The following TCF7L2 variants were observed in gnomAD, a reference collection of about 807,000 sequenced individuals.
The protein encoded by TCF7L2 is transcription factor 7 like 2.
TCF7L2 carries 23 observed loss-of-function variants against 77.9 expected under a neutral mutation model. The ratio of observed to expected loss-of-function variants is 0.30; its 90% CI spans 0.21 to 0.42. TCF7L2 has a LOEUF of 0.42. Ranked by LOEUF, TCF7L2 falls within the 10% of genes least tolerant of loss-of-function variation. TCF7L2 has a pLI of 1.00. For missense variants in TCF7L2, 654 were observed against 793.1 expected (o/e 0.82, Z 2.11); for synonymous variants, 413 against 340.2 (o/e 1.21, Z -2.36).
intron 4 of TCF7L2, among the ~76,000 whole-genome samples, chr10:113,030,304 T>C (rs1475675939): frequency 1.3e-5 from 2 of 152,234 alleles, no homozygotes; most frequent in Non-Finnish European, 2.9e-5. Flanking sequence ...ATTTTAGTTA[T>C]CCAGCTATCG....
chr10:113,042,058 G>T (rs1344802540), intron 5 of TCF7L2, among the ~76,000 whole-genome samples: 1 of 152,148 alleles, frequency 6.6e-6, no homozygotes, highest in Non-Finnish European at 1.5e-5. Context: ...AAGGAGTGGG[G>T]GTTTGTCCAT....
At chr10:113,107,428 G>A (rs2136015797) in intron 5 of TCF7L2, among the ~76,000 whole-genome samples, 1 of 152,212 alleles carries the variant, frequency 6.6e-6, no homozygotes, top group Admixed American at 6.5e-5. Flanking sequence ...CCCAAGCCTT[G>A]ATGTACACAT....
At position 113,151,057 on chromosome 10, in the gene TCF7L2, C is replaced by T. The variant is rs758507693; in HGVS notation, c.935C>T (p.Pro312Leu). The T allele has an allele frequency of 1.2e-6, 2 of 1,614,170 alleles. No homozygotes were observed. The highest frequency in any genetic ancestry group is 1.7e-6 in the Non-Finnish European group (2 of 1,180,030). The change falls in exon 9 of 14, where the codon CCG becomes CTG. Residue 312 changes from proline (P) to leucine (L), a missense_variant. Coordinates refer to ENST00000627217, the MANE Select transcript of TCF7L2 (RefSeq NM_001146274.2). The surrounding 1 kb of genome is among the most constrained non-coding windows in gnomAD (Gnocchi z 5.2). ...CTACACACGACGGGCATTCCGCATC[C>T]GGCCATAGTCACACCAACAGTCAAA... is the stretch of plus-strand genomic sequence containing the variant.
chr10:113,086,596 A>G (rs2059859510), intron 5 of TCF7L2, among the ~76,000 whole-genome samples: 1 of 152,346 alleles, frequency 6.6e-6, no homozygotes, highest in Middle Eastern at 3.4e-3. Flanking sequence ...ACTAAGCTAC[A>G]TGGCTCTAGA....
rs1042724304 is a variant in TCF7L2, at chr10:113,141,071, T to C, written c.553-113T>C. ...GGGATGGGCAGAGTTGAGTGCATCT[T>C]AGAAAATCCAGGTGAGAGGCTGTGG... On this transcript the variant is annotated intron_variant, in intron 5 of 13. Transcript: ENST00000627217. 2.9e-6 allele frequency: 4 copies of C among 1,379,266 alleles called. No individual in the cohort carries two copies. In the African/African-American group the frequency reaches 4.3e-5, roughly 15 times the overall value. The allele number at this position is 1,379,266 out of a possible 1,614,324, so 85.4% of individuals were successfully genotyped here. A position where few individuals can be genotyped will look rare whatever the true frequency, so the allele number is the denominator to read the frequency against.
intron 4 of TCF7L2, among the ~76,000 whole-genome samples, chr10:112,978,633 A>ATT (rs988727404): frequency 0.026 from 3,242 of 126,792 alleles, 61 homozygotes; most frequent in African/African-American, 0.045. Context: ...CGCCTGGCTA[A>ATT]TTTTTTTTTT....
intron 3 of TCF7L2, among the ~76,000 whole-genome samples, chr10:112,952,200 C>A (rs567596154): frequency 6.6e-6 from 1 of 152,304 alleles, no homozygotes; most frequent in Admixed American, 6.5e-5. Flanking sequence ...CCTGGAGAGG[C>A]TCCTTGGCTT....
At chr10:112,976,626 A>G (rs989725738) in intron 4 of TCF7L2, among the ~76,000 whole-genome samples, 2 of 152,226 alleles carry the variant, frequency 1.3e-5, no homozygotes, top group Non-Finnish European at 2.9e-5. Context: ...AGGAAACAGT[A>G]TATAAGTGAG....
At chr10:112,970,623 A>T (rs1453509122) in intron 4 of TCF7L2, among the ~76,000 whole-genome samples, 9 of 152,168 alleles carry the variant, frequency 5.9e-5, no homozygotes, top group South Asian at 2.1e-4. Context: ...ATGGCCAGAA[A>T]TTAGTACCAG....
intron 5 of TCF7L2, among the ~76,000 whole-genome samples, chr10:113,094,512 C>T (rs533103577): frequency 1.1e-3 from 162 of 152,182 alleles, no homozygotes; most frequent in Non-Finnish European, 1.8e-3. Context: ...AGCAAGCATT[C>T]GGCTAACTAA....
intron 5 of TCF7L2, among the ~76,000 whole-genome samples, chr10:113,139,798 T>C (rs2068013362): frequency 7.2e-6 from 1 of 138,620 alleles, no homozygotes; most frequent in Non-Finnish European, 1.5e-5. Flanking sequence ...ATTACATTCC[T>C]TCCTCACCCA....
At chr10:113,077,837 C>T (rs1157645840) in intron 5 of TCF7L2, among the ~76,000 whole-genome samples, 1 of 150,602 alleles carries the variant, frequency 6.6e-6, no homozygotes, top group Non-Finnish European at 1.5e-5. Flanking sequence ...GTAGCAGGCC[C>T]ATGCCACCAC....
At chr10:113,011,704 C>T (rs2046478974) in intron 4 of TCF7L2, among the ~76,000 whole-genome samples, 1 of 152,112 alleles carries the variant, frequency 6.6e-6, no homozygotes, top group Admixed American at 6.6e-5. Flanking sequence ...AGCATAACCA[C>T]TTTGAGTATT....
Position 113,165,717 on chromosome 10 carries a change from G to C in TCF7L2, c.1554G>C (p.Ser518=), listed in dbSNP as rs368142604. 75 of 1,605,214 alleles carry C rather than the reference G, an allele frequency of 4.7e-5. No homozygotes were observed. Among genetic ancestry groups the C allele is most frequent in the Non-Finnish European group, 5.6e-5 (66 of 1,178,338 alleles). Residue 518 remains serine, a synonymous_variant, in exon 14 of 14, where the codon TCG becomes TCC. Coordinates refer to ENST00000627217, the MANE Select transcript of TCF7L2 (RefSeq NM_001146274.2). ...AGACTGAGCAGACCCAGCCTCTGTC[G>C]CTGTCCCTGAAGCCCGACCCCCTGG...
intron 6 of TCF7L2, 85 bp from the exon 7 acceptor site, chr10:113,143,838 C>T (rs765830963): frequency 3.9e-5 from 37 of 947,866 alleles, no homozygotes; most frequent in Non-Finnish European, 6.0e-5. Flanking sequence ...TGCGTCTCTT[C>T]CTCCTTTCCC....
chr10:112,990,010 G>T (rs1354284915), intron 4 of TCF7L2, among the ~76,000 whole-genome samples: 1 of 152,122 alleles, frequency 6.6e-6, no homozygotes, highest in Non-Finnish European at 1.5e-5. Flanking sequence ...TGCCCCAGGA[G>T]CTCATACAGT....
chr10:113,034,877 C>T (rs2050879591), intron 4 of TCF7L2, among the ~76,000 whole-genome samples: 1 of 152,188 alleles, frequency 6.6e-6, no homozygotes. Flanking sequence ...GCCTAGGCAA[C>T]AGAGTAAGAC....
At chr10:113,107,774 A>AAC (rs1555069802) in intron 5 of TCF7L2, among the ~76,000 whole-genome samples, 9 of 149,902 alleles carry the variant, frequency 6.0e-5, no homozygotes, top group East Asian at 3.9e-4. Context: ...AAAAAAAAAA[A>AAC]AACAACAAAA....
At chr10:112,958,562 A>G (rs1481913387) in intron 3 of TCF7L2, among the ~76,000 whole-genome samples, 1 of 152,138 alleles carries the variant, frequency 6.6e-6, no homozygotes, top group Non-Finnish European at 1.5e-5. Context: ...AATGAATTGC[A>G]GATGTAGGCT....
Sources: allele counts gnomAD v4.1 joint callset (sites outside exome capture counted in the v4.1 genomes callset), GRCh38; gene constraint gnomAD v4.1.1; non-coding constraint Gnocchi (gnomAD v3.1); transcripts MANE v1.5; gene names NCBI Gene and HGNC (gene_info 2026-07-23, HGNC 2026-07-21).